The following COL6A3 variants were observed in gnomAD, a reference collection of about 807,000 sequenced individuals.
The protein encoded by COL6A3 is collagen alpha-3(VI) chain.
A neutral mutation model predicts 274.1 loss-of-function variants in COL6A3; 137 were observed. The ratio of observed to expected loss-of-function variants is 0.50; its 90% CI spans 0.44 to 0.58. The LOEUF (loss-of-function observed/expected upper bound fraction) is 0.58. COL6A3 is among the 20% of genes least tolerant of loss of function. COL6A3 has a pLI of 0.00. For synonymous variants in COL6A3, 1,650 were observed against 1,650.6 expected (o/e 1.00, Z 0.01); for missense variants, 3,950 against 4,124.9 (o/e 0.96, Z 1.16).
At chr2:237,387,509 C>T in intron 4 of COL6A3, 73 bp downstream of exon 4, 2 of 1,609,582 alleles carry the variant, frequency 1.2e-6, no homozygotes, top group Non-Finnish European at 1.7e-6. Flanking sequence ...ATGCTGGTAC[C>T]CACCTTACGT....
In COL6A3 at chr2:237,376,911, G is replaced by T. The variant is rs774059985; in HGVS notation, c.2931C>A (p.Asn977Lys). Reference protein sequence around the residue: ...GVVPFIFQAKNADPAELEQIV... With the variant: ...GVVPFIFQAKKADPAELEQIV... ...TCTGCTCTAACTCAGCAGGGTCTGCGTTCTTGGCTTGGAAGATGAAAGGCA... is the reference window on the plus strand; with the variant it reads ...TCTGCTCTAACTCAGCAGGGTCTGCTTTCTTGGCTTGGAAGATGAAAGGCA... The change falls in exon 7 of 44, where the codon AAC (asparagine) becomes AAA (lysine). Residue 977 changes from asparagine to lysine, a missense_variant. Asn to Lys is a moderately conservative substitution (Grantham distance 94). This residue lies in a region of COL6A3 where 1,934 missense variants were observed against 1,984.3 expected (regional missense o/e 0.97). Transcript: ENST00000295550. The T allele has an allele frequency of 6.2e-7, 1 of 1,614,074 alleles. No individual in the cohort carries two copies. The highest frequency in any genetic ancestry group is 1.3e-5 in the African/African-American group (1 of 74,914).
At position 237,372,025 on chromosome 2, in the gene COL6A3, C is replaced by T. The variant is rs751772951; in HGVS notation, c.3992G>A (p.Arg1331His). ...GAACTGCGGGACGCCCTCTTCAATG[C>T]GGCTCCCCAGGGGCCTCTTGAAGAT... ...RNIFKRPLGSRIEEGVPQFLV... is the reference protein window; with the variant it reads ...RNIFKRPLGSHIEEGVPQFLV... The change falls in exon 9 of 44, where the codon CGC becomes CAC. Residue 1331 changes from arginine to histidine, a missense_variant. Physicochemically the swap from Arg to His is conservative, Grantham distance 29. Coordinates refer to ENST00000295550, the MANE Select transcript of COL6A3 (RefSeq NM_004369.4). 4.5e-5 allele frequency: 72 copies of T among 1,613,942 alleles called. No individual in the cohort carries two copies. The East Asian group carries it at 1.2e-3, about 26-fold the overall frequency.
intron 7 of COL6A3, among the ~76,000 whole-genome samples, chr2:237,376,239 T>C (rs1454471773): frequency 6.6e-6 from 1 of 152,222 alleles, no homozygotes; most frequent in Non-Finnish European, 1.5e-5. Flanking sequence ...TTTTTATCAC[T>C]AAATTAAAGG....
chr2:237,351,263 A>C, intron 26 of COL6A3, 71 bp from the exon 27 acceptor site: 1 of 1,450,894 alleles, frequency 6.9e-7, no homozygotes, highest in Non-Finnish European at 9.7e-7. Flanking sequence ...CTGAAACCTG[A>C]CTCTCCCCTG....
intron 5 of COL6A3, among the ~76,000 whole-genome samples, chr2:237,380,622 G>A (rs961533958): frequency 3.3e-5 from 5 of 152,196 alleles, no homozygotes; most frequent in Admixed American, 2.0e-4. Flanking sequence ...TCTGACAAGC[G>A]ATAAGAACTG....
chr2:237,396,429 T>G (rs2078442825), intron 2 of COL6A3, among the ~76,000 whole-genome samples: 2 of 152,192 alleles, frequency 1.3e-5, no homozygotes, highest in Admixed American at 1.3e-4. Context: ...TCCCTTCAGG[T>G]GGTAAAACAT....
intron 3 of COL6A3, 56 bp from the exon 4 acceptor site, chr2:237,388,240 C>T (rs2078204246): frequency 1.2e-6 from 2 of 1,608,330 alleles, no homozygotes; most frequent in African/African-American, 1.3e-5. Context: ...TGACCACATG[C>T]ATTATTCAGT....
chr2:237,379,147 T>G lies in COL6A3; in HGVS notation c.1986A>C (p.Val662=). ...KTNFPYVRDF[V]MNLVNSLDIG... ...TATCAAGGCTGTTAACTAGGTTCAT[T>G]ACAAAGTCGCGCACATAAGGGAAAT... Residue 662 remains valine (V), a synonymous_variant, in exon 6 of 44, where the codon GTA becomes GTC. Transcript: ENST00000295550. The G allele has an allele frequency of 6.2e-7, 1 of 1,614,240 alleles. No individual in the cohort carries two copies. The highest frequency in any genetic ancestry group is 8.5e-7 in the Non-Finnish European group (1 of 1,180,036).
rs760246064 is a variant in COL6A3 at position 237,371,690 on chromosome 2, T to C, written c.4285+42A>G. On this transcript the variant is annotated intron_variant, in intron 9 of 43. Coordinates refer to ENST00000295550, the MANE Select transcript of COL6A3 (RefSeq NM_004369.4). This position sits in a 1 kb window ranked among gnomAD's most constrained non-coding sequence, Gnocchi z 4.3. ...GCCTTTGAGCCTGTTATTTTTCATA[T>C]GGAAAATGCTCCAAGGAGAACCTCC... 2.0e-6 allele frequency: 3 copies of C among 1,537,062 alleles called. No homozygotes were observed. The highest frequency in any genetic ancestry group is 1.8e-4 in the Middle Eastern group (1 of 5,678).
At chr2:237,382,091 C>A (rs1449370554) in intron 4 of COL6A3, among the ~76,000 whole-genome samples, 1 of 152,158 alleles carries the variant, frequency 6.6e-6, no homozygotes, top group Non-Finnish European at 1.5e-5. Flanking sequence ...ACTTAAGAGA[C>A]CTGCGTTTTG....
chr2:237,397,421 A>G lies in COL6A3; in HGVS notation c.-30-574T>C, dbSNP rs190726921. The stretch of plus-strand genomic sequence containing the variant: ...AAAACAAAGAGGAGAGAAGGAAAGA[A>G]AGAAAGAGAGAAGGAAAGAAAGAAA... On this transcript the variant is annotated intron_variant, in intron 1 of 43. Transcript: ENST00000295550. 3.4e-4 allele frequency among the ~76,000 whole-genome samples: 50 copies of G among 147,508 alleles called. 1 individual carries two copies. Among genetic ancestry groups the G allele is most frequent in the South Asian group, 1.8e-3 (8 of 4,334 alleles).
Position 237,324,653 on chromosome 2 carries a change from G to A in COL6A3, c.*121C>T. ...AGGATGTTCCCTCCCGAGTTCGAGT[G>A]TAAATCAAAGCATGAAATGATACAG... On this transcript the variant is annotated 3_prime_UTR_variant, in exon 44 of 44. Coordinates refer to ENST00000295550, the MANE Select transcript of COL6A3 (RefSeq NM_004369.4). The A allele has an allele frequency of 1.1e-6, 1 of 915,702 alleles. No homozygotes were observed. The highest frequency in any genetic ancestry group is 2.5e-5 in the East Asian group (1 of 39,626). The allele number at this position is 915,702 out of a possible 1,614,324, so 56.7% of individuals were successfully genotyped here. A position where few individuals can be genotyped will look rare whatever the true frequency, so the allele number is the denominator to read the frequency against.
chr2:237,366,757 C>T lies in COL6A3; in HGVS notation c.5430G>A (p.Glu1810=), dbSNP rs2077562754. Residue 1810 remains glutamate, a synonymous_variant, in exon 11 of 44, where the codon GAG becomes GAA. Transcript: ENST00000295550. ...GNVQELSELS[E]QVLETLHDAM... ...CATCATGCAAAGTTTCCAAAACTTG[C>T]TCGCTCAGTTCGGACAGCTCCTGGA... 1 of 1,614,136 alleles carries T rather than the reference C, an allele frequency of 6.2e-7. No individual in the cohort carries two copies. The highest frequency in any genetic ancestry group is 1.7e-5 in the Admixed American group (1 of 60,016).
chr2:237,357,056 T>C (rs907559495), intron 23 of COL6A3: 5 of 521,022 alleles, frequency 9.6e-6, no homozygotes, highest in Admixed American at 6.5e-5. Context: ...AAATATTTAG[T>C]TGGATCAAAC....
chr2:237,395,257 C>T (rs1319540295), intron 2 of COL6A3, 53 bp from the exon 3 acceptor site: 1 of 1,595,696 alleles, frequency 6.3e-7, no homozygotes, highest in Non-Finnish European at 8.6e-7. Flanking sequence ...CAATTACTTC[C>T]TATCAATGCA....
intron 24 of COL6A3, among the ~76,000 whole-genome samples, chr2:237,353,924 C>T (rs535389166): frequency 9.9e-5 from 15 of 152,064 alleles, no homozygotes; most frequent in Non-Finnish European, 1.9e-4. Context: ...ACCCCAAAAT[C>T]GCTAAGCCAA....
chr2:237,336,351 G>A lies in COL6A3; in HGVS notation c.8749C>T (p.Pro2917Ser), dbSNP rs763881553. 2 of 1,613,622 alleles carry A rather than the reference G, an allele frequency of 1.2e-6. No individual in the cohort carries two copies. Among genetic ancestry groups the A allele is most frequent in the South Asian group, 1.1e-5 (1 of 91,048 alleles). The change falls in exon 40 of 44, where the codon CCT (proline) becomes TCT (serine). Residue 2917 changes from proline to serine, a missense_variant. Physicochemically the swap from Pro to Ser is moderately conservative, Grantham distance 74 (BLOSUM62 -1). This residue lies in a region of COL6A3 where 1,284 missense variants were observed against 1,349.7 expected (regional missense o/e 0.95). Coordinates refer to ENST00000295550, the MANE Select transcript of COL6A3 (RefSeq NM_004369.4). ...GTGGCCACAGGCTTGGCAGCCACAGGTTTCGCAGGGGCCGGCTTTGCAGCG... is the reference window on the plus strand; with the variant it reads ...GTGGCCACAGGCTTGGCAGCCACAGATTTCGCAGGGGCCGGCTTTGCAGCG... ...PAAAKPAPAKPVAAKPVATKM... is the reference protein window; with the variant it reads ...PAAAKPAPAKSVAAKPVATKM...
In COL6A3 at chr2:237,342,160, A is replaced by G. The variant is rs146872525; in HGVS notation, c.7670T>C (p.Ile2557Thr). Residue 2557 changes from isoleucine to threonine, a missense_variant and splice_region_variant, in exon 37 of 44, where the codon ATC (isoleucine) becomes ACC (threonine). Physicochemically the swap from Ile to Thr is moderately conservative, Grantham distance 89. Around this residue, in one of 5 missense-constraint regions of COL6A3, gnomAD observed 1,284 missense variants for 1,349.7 expected, o/e 0.95. Coordinates refer to ENST00000295550, the MANE Select transcript of COL6A3 (RefSeq NM_004369.4). Reference sequence around the variant, plus strand: ...CGCATGCCCCACTGCTGTGTTATTGATCTGGTTTAAACAAAAGAACAATTT... The same window carrying G: ...CGCATGCCCCACTGCTGTGTTATTGGTCTGGTTTAAACAAAAGAACAATTT... ...EDRQLINALQINNTAVGHALV... is the reference protein window; with the variant it reads ...EDRQLINALQTNNTAVGHALV... The G allele has an allele frequency of 6.2e-7, 1 of 1,613,862 alleles. No individual in the cohort carries two copies. Among genetic ancestry groups the G allele is most frequent in the Non-Finnish European group, 8.5e-7 (1 of 1,179,812 alleles).
rs575353380 is a variant in COL6A3 at position 237,390,298 on chromosome 2, A to G, written c.710-2114T>C. Among the ~76,000 whole-genome samples, 3 of 152,372 alleles carry G rather than the reference A, an allele frequency of 2.0e-5. No individual in the cohort carries two copies. In the South Asian group the frequency reaches 6.2e-4, roughly 32 times the overall value. ...GGAAAATCCTTGAACATTCTCTTGT[A>G]AAAGACTGAACATCTACAGTGGCCA... On this transcript the variant is annotated intron_variant, in intron 3 of 43. Coordinates refer to ENST00000295550, the MANE Select transcript of COL6A3 (RefSeq NM_004369.4).
Sources: allele counts gnomAD v4.1 joint callset (sites outside exome capture counted in the v4.1 genomes callset), GRCh38; gene constraint gnomAD v4.1.1; regional missense constraint gnomAD v4.1.1; non-coding constraint Gnocchi (gnomAD v3.1); transcripts MANE v1.5; gene names NCBI Gene and HGNC (gene_info 2026-07-23, HGNC 2026-07-21).